GTF2H1: variants seen among roughly 807,000 people sequenced by gnomAD.
GTF2H1 encodes the protein BTF2 p62.
A neutral mutation model predicts 71.2 loss-of-function variants in GTF2H1; 16 were observed. That is an observed-to-expected ratio of 0.22 (90% CI 0.15 to 0.34). The LOEUF is 0.34. GTF2H1 is among the 10% of genes least tolerant of loss of function. The pLI is 1.00. For missense variants in GTF2H1, 498 were observed against 648.2 expected, an observed-to-expected ratio of 0.77 and a Z score of 2.52; for synonymous variants, 215 against 219.0, an observed-to-expected ratio of 0.98 and a Z score of 0.16.
intron 11 of GTF2H1, among the ~76,000 whole-genome samples, chr11:18,355,941 C>T (rs1865534347): frequency 6.6e-6 from 1 of 152,162 alleles, no homozygotes; most frequent in Admixed American, 6.5e-5. Context: ...TTCACACAGG[C>T]TCTCCTGTGT....
At chr11:18,359,732 T>G (rs1295947841) in intron 13 of GTF2H1, among the ~76,000 whole-genome samples, 1 of 151,980 alleles carries the variant, frequency 6.6e-6, no homozygotes, top group Non-Finnish European at 1.5e-5. Context: ...ATTTATTGAG[T>G]CAGGGTCTCA....
chr11:18,327,241 CT>C lies in GTF2H1; in HGVS notation c.-16+4511del, dbSNP rs138498738. 8.1e-4 allele frequency among the ~76,000 whole-genome samples: 120 copies of C among 147,938 alleles called. No individual in the cohort carries two copies. The East Asian group carries it at 0.019, about 23-fold the overall frequency. On this transcript the variant is annotated intron_variant, in intron 1 of 14. Transcript: ENST00000265963. ...GATAGAGAAGAAACTCTTGGGAAGA[CT>C]TTTTTTTTTAATAACTGCTCTAGTA... is the stretch of plus-strand genomic sequence containing the variant.
chr11:18,343,108 G>A (rs1865201001), intron 7 of GTF2H1, among the ~76,000 whole-genome samples: 1 of 152,178 alleles, frequency 6.6e-6, no homozygotes, highest in African/African-American at 2.4e-5. Context: ...TTTTAGTACA[G>A]GCGGGGTTTC....
rs112867274 is a variant in GTF2H1, at chr11:18,347,556, T to G, written c.838-32T>G. 180 of 1,502,974 alleles carry G rather than the reference T, an allele frequency of 1.2e-4. No homozygotes were observed. In the African/African-American group the frequency reaches 2.2e-3, roughly 18 times the overall value. The allele number at this position is 1,502,974 out of a possible 1,614,324, so 93.1% of individuals were successfully genotyped here. On this transcript the variant is annotated intron_variant, in intron 7 of 14. Transcript: ENST00000265963. ...TTATAATAAGAAAAGCAGAACCTTT[T>G]TAAAAAATTTTTAATCTATTATTTC...
At chr11:18,348,053 G>T in intron 9 of GTF2H1, 134 bp downstream of exon 9, 1 of 721,110 alleles carries the variant, frequency 1.4e-6, no homozygotes, top group South Asian at 1.5e-5. Flanking sequence ...GGCTTAAAGT[G>T]TATAGCATTA....
At chr11:18,334,107 C>T (rs1225526028) in intron 2 of GTF2H1, among the ~76,000 whole-genome samples, 1 of 152,082 alleles carries the variant, frequency 6.6e-6, no homozygotes, top group East Asian at 1.9e-4. Flanking sequence ...GGGCCGGGCG[C>T]GGTGGCTCAC....
intron 5 of GTF2H1, among the ~76,000 whole-genome samples, chr11:18,340,090 A>T (rs575123062): frequency 7.3e-5 from 11 of 151,506 alleles, no homozygotes; most frequent in Admixed American, 2.0e-4. Flanking sequence ...CCTCTTCCCC[A>T]CTCTTACCCC....
intron 3 of GTF2H1, among the ~76,000 whole-genome samples, 183 bp downstream of exon 3, chr11:18,336,129 G>GT (rs1225587637): frequency 7.9e-5 from 12 of 150,980 alleles, no homozygotes; most frequent in Non-Finnish European, 1.5e-4. Context: ...TTGTTTGTTT[G>GT]TTTTTGGATT....
At chr11:18,323,574 A>C (rs1255214726) in intron 1 of GTF2H1, among the ~76,000 whole-genome samples, 2 of 152,130 alleles carry the variant, frequency 1.3e-5, no homozygotes, top group African/African-American at 2.4e-5. Context: ...CAAAAAAAAA[A>C]CTGAGTGGTT....
chr11:18,329,015 T>G (rs1864835424), intron 1 of GTF2H1, among the ~76,000 whole-genome samples: 1 of 152,220 alleles, frequency 6.6e-6, no homozygotes, highest in Admixed American at 6.5e-5. Context: ...TCATATTTGA[T>G]ATATGGATAT....
At chr11:18,323,192 A>G (rs554571269) in intron 1 of GTF2H1, among the ~76,000 whole-genome samples, 1 of 152,222 alleles carries the variant, frequency 6.6e-6, no homozygotes, top group South Asian at 2.1e-4. Context: ...TGGTCATTTG[A>G]TTGTCGTGTA....
At chr11:18,356,583 G>T (rs771902652) in intron 11 of GTF2H1, among the ~76,000 whole-genome samples, 1 of 151,982 alleles carries the variant, frequency 6.6e-6, no homozygotes, top group Non-Finnish European at 1.5e-5. Context: ...TTTGTCTTGG[G>T]GGTGGTGGTG....
rs1865841325 is a variant in GTF2H1, at chr11:18,367,008, AAAAGT to A, written c.*1143_*1147del. The A allele has an allele frequency of 6.6e-6, 1 of 152,218 alleles. No homozygotes were observed. Among genetic ancestry groups the A allele is most frequent in the Non-Finnish European group, 1.5e-5 (1 of 68,040 alleles). The allele number at this position is 152,218 out of a possible 1,614,324, so 9.4% of individuals were successfully genotyped here. The stretch of plus-strand genomic sequence containing the variant: ...TGTCTTGTATTAAAAATTACACAAA[AAAAGT>A]AAAACTTTTTATACTTACCCTTTTA... On this transcript the variant is annotated 3_prime_UTR_variant, in exon 15 of 15. Transcript: ENST00000265963.
At position 18,329,829 on chromosome 11, in the gene GTF2H1, T is replaced by TA. The variant is rs1488986329; in HGVS notation, c.-15-3230dup. On this transcript the variant is annotated intron_variant, in intron 1 of 14. Transcript: ENST00000265963. Reference sequence around the variant, plus strand: ...CTATGTATTAAACAGAATGAACTGATACATATACAACAATATGGTGGATTT... The same window carrying TA: ...CTATGTATTAAACAGAATGAACTGATAACATATACAACAATATGGTGGATTT... Among the ~76,000 whole-genome samples the TA allele has an allele frequency of 3.3e-5, 5 of 152,358 alleles. No individual in the cohort carries two copies. The East Asian group carries it at 9.6e-4, about 29-fold the overall frequency.
Position 18,335,881 on chromosome 11 carries a change from CCTT to C in GTF2H1, c.287_289del (p.Leu96del), listed in dbSNP as rs1396590350. The C allele has an allele frequency of 1.9e-6, 3 of 1,614,070 alleles. No individual in the cohort carries two copies. Among genetic ancestry groups the C allele is most frequent in the Non-Finnish European group, 2.5e-6 (3 of 1,179,944 alleles). The stretch of plus-strand genomic sequence containing the variant: ...TGAAAGAGCGAGATGCAGTAAAAGA[CCTT>C]CTTCAGCAGCTGCTGCCCAAATTCA... On this transcript the variant is annotated inframe_deletion, in exon 3 of 15. Transcript: ENST00000265963.
intron 9 of GTF2H1, among the ~76,000 whole-genome samples, chr11:18,349,039 C>T (rs1177991483): frequency 3.3e-5 from 5 of 152,110 alleles, no homozygotes; most frequent in Non-Finnish European, 7.4e-5. Flanking sequence ...GGATTACAGG[C>T]GTGCACCACC....
intron 1 of GTF2H1, among the ~76,000 whole-genome samples, chr11:18,323,136 C>G (rs1056912633): frequency 6.6e-6 from 1 of 152,150 alleles, no homozygotes; most frequent in Non-Finnish European, 1.5e-5. Context: ...TCAATCTTAC[C>G]TCTCTTAAAA....
At chr11:18,356,429 T>C (rs1330845196) in intron 11 of GTF2H1, among the ~76,000 whole-genome samples, 2 of 151,588 alleles carry the variant, frequency 1.3e-5, no homozygotes, top group Admixed American at 6.6e-5. Context: ...TGGGGTGTCA[T>C]TGTCCCTTCA....
chr11:18,330,975 T>C (rs374006727), intron 1 of GTF2H1, among the ~76,000 whole-genome samples: 1 of 152,172 alleles, frequency 6.6e-6, no homozygotes, highest in Admixed American at 6.5e-5. Context: ...AGGTTTCACT[T>C]TTTTCCCTGT....
Sources: allele counts gnomAD v4.1 joint callset (sites outside exome capture counted in the v4.1 genomes callset), GRCh38; gene constraint gnomAD v4.1.1; transcripts MANE v1.5; gene names NCBI Gene and HGNC (gene_info 2026-07-23, HGNC 2026-07-21).